POLE2: variants seen among roughly 807,000 people sequenced by gnomAD.
POLE2 encodes DNA polymerase epsilon 2, accessory subunit.
In POLE2, 56 loss-of-function variants were observed where a neutral mutation model predicts 79.4. The observed-to-expected ratio is 0.71, with a 90% confidence interval of 0.57 to 0.88. POLE2 has a LOEUF of 0.88. POLE2 is among the 40% of genes least tolerant of loss of function. The pLI, the probability that POLE2 is intolerant of heterozygous loss-of-function variation, is 0.00. For synonymous variants in POLE2, 212 were observed against 214.0 expected (o/e 0.99, Z 0.08); for missense variants, 598 against 638.9 (o/e 0.94, Z 0.69).
Position 49,664,583 on chromosome 14 carries a change from T to C in POLE2, c.682+43A>G, listed in dbSNP as rs185582030. The C allele has an allele frequency of 2.1e-3, 2,641 of 1,230,776 alleles. 8 individuals are homozygous for C. Among genetic ancestry groups the C allele is most frequent in the Non-Finnish European group, 2.6e-3 (2,175 of 838,826 alleles). 76.2% of individuals were successfully genotyped at this position (1,230,776 alleles called of 1,614,324 possible). On this transcript the variant is annotated intron_variant, in intron 9 of 18. Coordinates refer to ENST00000216367, the MANE Select transcript of POLE2 (RefSeq NM_002692.4). ...TTTTACCCAAAGCAGAAAGTTTTACTGGAGAATGAGAAGAAGGACAGTAAC... is the reference window on the plus strand; with the variant it reads ...TTTTACCCAAAGCAGAAAGTTTTACCGGAGAATGAGAAGAAGGACAGTAAC...
chr14:49,669,303 G>A (rs749167326), intron 6 of POLE2, among the ~76,000 whole-genome samples: 6 of 152,166 alleles, frequency 3.9e-5, no homozygotes, highest in African/African-American at 1.2e-4. Flanking sequence ...GGCTAGCATC[G>A]TATCAGGGCC....
intron 5 of POLE2, among the ~76,000 whole-genome samples, chr14:49,672,382 T>C (rs1480862815): frequency 6.8e-6 from 1 of 147,656 alleles, no homozygotes; most frequent in Non-Finnish European, 1.5e-5. Flanking sequence ...TTCCTCAAGA[T>C]CATTCTTTTC....
chr14:49,667,440 T>C (rs1885567924), intron 6 of POLE2, among the ~76,000 whole-genome samples: 1 of 152,214 alleles, frequency 6.6e-6, no homozygotes, highest in South Asian at 2.1e-4. Flanking sequence ...TATGACCATT[T>C]ATTTCACCAA....
intron 17 of POLE2, among the ~76,000 whole-genome samples, chr14:49,649,334 G>T (rs1884023859): frequency 6.6e-6 from 1 of 151,288 alleles, no homozygotes; most frequent in Admixed American, 6.6e-5. Flanking sequence ...TTTTAGTAGA[G>T]ACGGGGTTGC....
Position 49,647,298 on chromosome 14 carries a change from T to C in POLE2, c.1560A>G (p.Glu520=). ...KVFYPSNKTV[E]DSKLQGF is the part of the protein sequence containing the mutation. Reference sequence around the variant, plus strand: ...GTGTCTGTGCACACACTTACCTATCTTCTACTGTCTTATTAGAAGGATAAA... The same window carrying C: ...GTGTCTGTGCACACACTTACCTATCCTCTACTGTCTTATTAGAAGGATAAA... Residue 520 remains glutamate (E), a synonymous_variant, in exon 18 of 19, where the codon GAA becomes GAG. Coordinates refer to ENST00000216367, the MANE Select transcript of POLE2 (RefSeq NM_002692.4). 6.6e-7 allele frequency: 1 copy of C among 1,516,396 alleles called. No homozygotes were observed. The highest frequency in any genetic ancestry group is 9.0e-7 in the Non-Finnish European group (1 of 1,104,996). 93.9% of individuals were successfully genotyped at this position (1,516,396 alleles called of 1,614,324 possible). A position where few individuals can be genotyped will look rare whatever the true frequency, so the allele number is the denominator to read the frequency against.
intron 2 of POLE2, 119 bp from the exon 3 acceptor site, chr14:49,679,919 GT>G (rs1280160615): frequency 1.6e-6 from 1 of 609,864 alleles, no homozygotes; most frequent in African/African-American, 1.9e-5. Flanking sequence ...TCATTATACA[GT>G]TTTTGGAGAA....
rs1428506400 is a variant in POLE2 at position 49,677,475 on chromosome 14, A to G, written c.245+2250T>C. 2.3e-5 allele frequency: 11 copies of G among 473,880 alleles called. No individual in the cohort carries two copies. The East Asian group carries it at 4.3e-4, about 18-fold the overall frequency. The allele number at this position is 473,880 out of a possible 1,614,324, so 29.4% of individuals were successfully genotyped here. A position where few individuals can be genotyped will look rare whatever the true frequency, so the allele number is the denominator to read the frequency against. ...GACGAGGGGCAGCCAGTTTTAATAC[A>G]CTTGGATGCCATGAATCAAGCATGC... On this transcript the variant is annotated intron_variant, in intron 3 of 18. Coordinates refer to ENST00000216367, the MANE Select transcript of POLE2 (RefSeq NM_002692.4).
chr14:49,668,703 T>C (rs1276342369), intron 6 of POLE2, among the ~76,000 whole-genome samples: 1 of 152,208 alleles, frequency 6.6e-6, no homozygotes, highest in African/African-American at 2.4e-5. Context: ...GGCATCTCAG[T>C]TGCCAGAGAA....
intron 6 of POLE2, among the ~76,000 whole-genome samples, chr14:49,668,693 G>C (rs1016358061): frequency 1.3e-5 from 2 of 152,062 alleles, no homozygotes; most frequent in African/African-American, 4.8e-5. Flanking sequence ...CTGGGCTGTG[G>C]GCATCTCAGT....
chr14:49,681,315 G>T, intron 2 of POLE2: 1 of 216,608 alleles, frequency 4.6e-6, no homozygotes. Context: ...TTTACTGACA[G>T]GTTGAATAGA....
rs368608405 is a variant in POLE2 at position 49,688,199 on chromosome 14, G to T, written c.5C>A (p.Ala2Glu). The change falls in exon 1 of 19, where the codon GCG (alanine) becomes GAG (glutamate). Residue 2 changes from alanine (A) to glutamate (E), a missense_variant. By Grantham distance (107) the Ala-to-Glu change is moderately radical (BLOSUM62 -1). Coordinates refer to ENST00000216367, the MANE Select transcript of POLE2 (RefSeq NM_002692.4). M[A>E]PERLRSRALS... ...CGCCCGGCTCCGCAGCCGCTCCGGCGCCATATTTGCGATTTGGCGCCACCG... is the reference window on the plus strand; with the variant it reads ...CGCCCGGCTCCGCAGCCGCTCCGGCTCCATATTTGCGATTTGGCGCCACCG... 4 of 1,528,446 alleles carry T rather than the reference G, an allele frequency of 2.6e-6. No homozygotes were observed. Among genetic ancestry groups the T allele is most frequent in the Non-Finnish European group, 1.8e-6 (2 of 1,139,522 alleles). 94.7% of individuals were successfully genotyped at this position (1,528,446 alleles called of 1,614,324 possible).
At chr14:49,671,817 G>C (rs1303534754) in intron 5 of POLE2, among the ~76,000 whole-genome samples, 3 of 151,030 alleles carry the variant, frequency 2.0e-5, no homozygotes, top group African/African-American at 4.9e-5. Context: ...AACTGGGTGT[G>C]GTGGTATGTG....
chr14:49,682,281 A>G (rs1316616794), intron 2 of POLE2, among the ~76,000 whole-genome samples: 1 of 150,760 alleles, frequency 6.6e-6, no homozygotes, highest in Non-Finnish European at 1.5e-5. Flanking sequence ...CTGGGATTAC[A>G]GGTGTTAGCC....
rs1308799628 is a variant in POLE2, at chr14:49,649,886, C to A, written c.1497+379G>T. 5.3e-5 allele frequency among the ~76,000 whole-genome samples: 8 copies of A among 152,218 alleles called. No individual in the cohort carries two copies. In the East Asian group the frequency reaches 1.5e-3, roughly 29 times the overall value. On this transcript the variant is annotated intron_variant, in intron 17 of 18. Transcript: ENST00000216367. Reference sequence around the variant, plus strand: ...ATTAATCAGGCTTAGATTTTTGGGACCTGTGCAATTTCCAAAAATCAAAAT... The same window carrying A: ...ATTAATCAGGCTTAGATTTTTGGGAACTGTGCAATTTCCAAAAATCAAAAT...
At chr14:49,658,025 G>A (rs530621020) in intron 10 of POLE2, among the ~76,000 whole-genome samples, 2 of 151,494 alleles carry the variant, frequency 1.3e-5, no homozygotes, top group East Asian at 3.9e-4. Flanking sequence ...CAGGGCCAGA[G>A]CTTCTTGCAC....
At chr14:49,663,237 G>C (rs764044805) in intron 10 of POLE2, 78 bp downstream of exon 10, 3 of 621,258 alleles carry the variant, frequency 4.8e-6, no homozygotes, top group Non-Finnish European at 8.0e-6. Context: ...TAGTAACTGA[G>C]ATATGACGTA....
chr14:49,671,384 C>T (rs776932993), intron 5 of POLE2, among the ~76,000 whole-genome samples: 5 of 151,500 alleles, frequency 3.3e-5, no homozygotes, highest in Admixed American at 6.6e-5. Context: ...TTTGGGAGGC[C>T]GAGGCGGGTG....
At chr14:49,685,356 A>G (rs953064922) in intron 1 of POLE2, among the ~76,000 whole-genome samples, 3 of 152,162 alleles carry the variant, frequency 2.0e-5, no homozygotes, top group Non-Finnish European at 4.4e-5. Context: ...CCATCCTTCC[A>G]CAGAGTTCTA....
chr14:49,683,356 A>G (rs1020691335), intron 2 of POLE2, among the ~76,000 whole-genome samples: 1 of 152,018 alleles, frequency 6.6e-6, no homozygotes, highest in Non-Finnish European at 1.5e-5. Context: ...GAGCCAAGAT[A>G]GCGCCATTGC....
Sources: gnomAD v4.1 joint callset for allele counts (sites outside exome capture counted in the v4.1 genomes callset) on GRCh38, gnomAD v4.1.1 for gene constraint, MANE v1.5 for transcripts, NCBI Gene and HGNC (gene_info 2026-07-23, HGNC 2026-07-21) for gene names.